Variants in LIPI observed in about 807,000 individuals in gnomAD.
LIPI encodes the protein lipase member I.
In LIPI, 59 loss-of-function variants were observed where a neutral mutation model predicts 50.6. That is an observed-to-expected ratio of 1.16 (90% CI 0.94 to 1.45). The LOEUF is 1.45. Ranked by LOEUF, LIPI falls within the 40% of genes most tolerant of loss-of-function variation. The pLI is 0.00. For synonymous variants in LIPI, 203 were observed against 178.2 expected (o/e 1.14, Z -1.11); for missense variants, 586 against 536.3 (o/e 1.09, Z -0.92).
chr21:14,111,492 C>T (rs967074893), intron 9 of LIPI, among the ~76,000 whole-genome samples: 2 of 151,862 alleles, frequency 1.3e-5, no homozygotes, highest in Non-Finnish European at 2.9e-5. Flanking sequence ...GGAGATTCAC[C>T]CCTTATCATA....
At chr21:14,112,743 C>A (rs2016464657) in intron 9 of LIPI, among the ~76,000 whole-genome samples, 1 of 151,978 alleles carries the variant, frequency 6.6e-6, no homozygotes, top group African/African-American at 2.4e-5. Context: ...AGACATCATG[C>A]TTTTCTCACC....
chr21:14,152,505 G>T, intron 8 of LIPI, 68 bp downstream of exon 8: 1 of 760,278 alleles, frequency 1.3e-6, no homozygotes, highest in South Asian at 1.6e-5. Flanking sequence ...TAAATTATCT[G>T]TTGGATGGGA....
At chr21:14,158,047 T>C (rs2018332476) in intron 7 of LIPI, among the ~76,000 whole-genome samples, 1 of 151,812 alleles carries the variant, frequency 6.6e-6, no homozygotes, top group African/African-American at 2.4e-5. Flanking sequence ...ACTTTGTATC[T>C]GTTGAGTTTA....
chr21:14,176,693 A>G (rs2403757), intron 4 of LIPI, among the ~76,000 whole-genome samples: 1 of 148,042 alleles, frequency 6.8e-6, no homozygotes, highest in African/African-American at 2.5e-5. Context: ...TTTTTTTCAG[A>G]TACAAACATT....
At chr21:14,164,257 C>G (rs745416198) in intron 6 of LIPI, among the ~76,000 whole-genome samples, 5 of 151,906 alleles carry the variant, frequency 3.3e-5, no homozygotes, top group African/African-American at 9.7e-5. Flanking sequence ...CTAACTTATG[C>G]CTTTATGTGA....
chr21:14,163,244 T>TA (rs1212244003), intron 7 of LIPI, among the ~76,000 whole-genome samples, 175 bp downstream of exon 7: 3 of 151,776 alleles, frequency 2.0e-5, no homozygotes, highest in South Asian at 4.1e-4. Flanking sequence ...CCATTTTATC[T>TA]AAAAAAAGAT....
intron 8 of LIPI, among the ~76,000 whole-genome samples, chr21:14,147,584 A>G (rs1464707924): frequency 1.3e-5 from 2 of 152,190 alleles, no homozygotes; most frequent in East Asian, 3.9e-4. Context: ...CAGACATTTA[A>G]TTTGTCCAGA....
At chr21:14,117,630 T>C (rs1366579049) in intron 9 of LIPI, among the ~76,000 whole-genome samples, 1 of 152,288 alleles carries the variant, frequency 6.6e-6, no homozygotes, top group Non-Finnish European at 1.5e-5. Context: ...AAAGCCCCAG[T>C]GAGTTCTAAG....
chr21:14,176,486 G>T (rs2019101059), intron 4 of LIPI, among the ~76,000 whole-genome samples: 1 of 151,630 alleles, frequency 6.6e-6, no homozygotes, highest in South Asian at 2.1e-4. Flanking sequence ...GGTTTAATAT[G>T]CAATAATGTG....
rs190498315 is a variant in LIPI at position 14,194,648 on chromosome 21, G to T, written c.47-5229C>A. ...GTGGTTGCCCTGGGCTGAGGGAAAA[G>T]GGGAAATGAGGAGTTATATTTAATA... On this transcript the variant is annotated intron_variant, in intron 1 of 9. Transcript: ENST00000681601. 3.1e-3 allele frequency among the ~76,000 whole-genome samples: 464 copies of T among 152,054 alleles called. 2 individuals are homozygous for T. The highest frequency in any genetic ancestry group is 0.011 in the African/African-American group (448 of 41,506).
At chr21:14,161,859 A>T (rs1381590425) in intron 7 of LIPI, among the ~76,000 whole-genome samples, 11 of 121,044 alleles carry the variant, frequency 9.1e-5, no homozygotes, top group East Asian at 2.4e-4. Context: ...TATTATATAT[A>T]ATTACATATA....
In LIPI at chr21:14,144,782, T is replaced by C; in HGVS notation, c.1136A>G (p.Tyr379Cys). The C allele has an allele frequency of 6.4e-7, 1 of 1,574,604 alleles. No individual in the cohort carries two copies. Among genetic ancestry groups the C allele is most frequent in the Admixed American group, 1.7e-5 (1 of 59,770 alleles). ...AAGAATCTTGACTTCTTGAAGTTTA[T>C]AAAATGGTTTGTTCTTTCTAGAGAG... is the stretch of plus-strand genomic sequence containing the variant. ...PRLYEKNKPF[Y>C]KLQEVKILAQ... Residue 379 changes from tyrosine (Y) to cysteine (C), a missense_variant, in exon 9 of 10, where the codon TAT becomes TGT. By Grantham distance (194) the Tyr-to-Cys change is radical. Transcript: ENST00000681601.
At chr21:14,178,497 G>A (rs2019166929) in intron 4 of LIPI, among the ~76,000 whole-genome samples, 1 of 151,920 alleles carries the variant, frequency 6.6e-6, no homozygotes, top group East Asian at 1.9e-4. Context: ...CCCATTCAAT[G>A]GATGTCAATT....
chr21:14,125,124 T>C (rs1003734786), intron 9 of LIPI, among the ~76,000 whole-genome samples: 4 of 152,178 alleles, frequency 2.6e-5, no homozygotes, highest in African/African-American at 4.8e-5. Context: ...CAAAAAAGTT[T>C]GAGAAGCTCC....
chr21:14,178,486 A>T (rs1420012009), intron 4 of LIPI, among the ~76,000 whole-genome samples: 1 of 152,074 alleles, frequency 6.6e-6, no homozygotes, highest in Middle Eastern at 3.2e-3. Context: ...TTTCTGTTAA[A>T]CCCATTCAAT....
chr21:14,172,617 C>A (rs1166530849), intron 4 of LIPI, among the ~76,000 whole-genome samples: 2 of 148,962 alleles, frequency 1.3e-5, no homozygotes, highest in African/African-American at 5.0e-5. Flanking sequence ...ATCGCAAGAA[C>A]AAAAAACCAA....
chr21:14,111,156 T>C (rs548992617), intron 9 of LIPI, among the ~76,000 whole-genome samples: 1 of 151,982 alleles, frequency 6.6e-6, no homozygotes, highest in Non-Finnish European at 1.5e-5. Flanking sequence ...TTTTTAGGAA[T>C]TTCCAAACTG....
At chr21:14,185,190 G>A (rs550116520) in intron 3 of LIPI, among the ~76,000 whole-genome samples, 1 of 152,244 alleles carries the variant, frequency 6.6e-6, no homozygotes, top group South Asian at 2.1e-4. Flanking sequence ...CAGTAACTTT[G>A]TTATAGAAAT....
intron 1 of LIPI, among the ~76,000 whole-genome samples, chr21:14,204,457 T>A (rs1205084294): frequency 6.6e-6 from 1 of 152,046 alleles, no homozygotes; most frequent in Non-Finnish European, 1.5e-5. Flanking sequence ...AAGTAAATTC[T>A]GCTCAAATTA....
Sources: gnomAD v4.1 joint callset for allele counts (sites outside exome capture counted in the v4.1 genomes callset) on GRCh38, gnomAD v4.1.1 for gene constraint, MANE v1.5 for transcripts, NCBI Gene and HGNC (gene_info 2026-07-23, HGNC 2026-07-21) for gene names.